GPC5: variants seen among roughly 807,000 people sequenced by gnomAD.
GPC5 encodes glypican 5.
A neutral mutation model predicts 53.9 loss-of-function variants in GPC5; 47 were observed. That is an observed-to-expected ratio of 0.87 (90% CI 0.69 to 1.11). GPC5 has a LOEUF of 1.11. Among genes scored for constraint, GPC5 ranks in the 50% most tolerant of loss-of-function variants. The pLI, the probability that GPC5 is intolerant of heterozygous loss-of-function variation, is 0.00. For missense variants in GPC5, 748 were observed against 713.1 expected, an observed-to-expected ratio of 1.05 and a Z score of -0.56; for synonymous variants, 286 against 263.3, an observed-to-expected ratio of 1.09 and a Z score of -0.84.
At chr13:91,936,078 A>G (rs1254473752) in intron 6 of GPC5, among the ~76,000 whole-genome samples, 1 of 152,044 alleles carries the variant, frequency 6.6e-6, no homozygotes, top group Non-Finnish European at 1.5e-5. Context: ...TTTAATTACC[A>G]AGGTATAGAT....
At chr13:92,259,542 AG>A (rs556136933) in intron 7 of GPC5, among the ~76,000 whole-genome samples, 156 of 152,276 alleles carry the variant, frequency 1.0e-3, no homozygotes, top group African/African-American at 3.5e-3. Context: ...TTCTTTGAAT[AG>A]TCTACCCTAT....
intron 7 of GPC5, among the ~76,000 whole-genome samples, chr13:92,329,448 T>C (rs568032574): frequency 6.6e-6 from 1 of 152,134 alleles, no homozygotes; most frequent in Non-Finnish European, 1.5e-5. Flanking sequence ...TAAGCCCTCA[T>C]AAGGGATTTA....
chr13:91,602,843 A>G (rs1361468711), intron 2 of GPC5, among the ~76,000 whole-genome samples: 5 of 152,192 alleles, frequency 3.3e-5, no homozygotes, highest in Non-Finnish European at 5.9e-5. Context: ...CTTCATTTGT[A>G]ATTTGAGTTA....
intron 7 of GPC5, among the ~76,000 whole-genome samples, chr13:92,667,452 GA>G (rs1217420152): frequency 4.6e-5 from 7 of 152,136 alleles, no homozygotes; most frequent in African/African-American, 1.7e-4. Context: ...GAGACAAGAA[GA>G]GAACAACCAA....
intron 7 of GPC5, among the ~76,000 whole-genome samples, chr13:92,153,067 T>C (rs1428219515): frequency 3.3e-5 from 5 of 152,246 alleles, no homozygotes; most frequent in African/African-American, 1.2e-4. Context: ...TTACTCCTTT[T>C]GTTAAACAGT....
At chr13:92,234,856 A>G (rs899688628) in intron 7 of GPC5, among the ~76,000 whole-genome samples, 8 of 152,160 alleles carry the variant, frequency 5.3e-5, no homozygotes, top group Admixed American at 5.2e-4. Context: ...AGCCTGAAGT[A>G]ATTGATATGC....
At chr13:92,349,996 G>C (rs1405658313) in intron 7 of GPC5, among the ~76,000 whole-genome samples, 1 of 152,072 alleles carries the variant, frequency 6.6e-6, no homozygotes, top group Non-Finnish European at 1.5e-5. Context: ...TTATATTCTA[G>C]CAAGCTGAAT....
intron 6 of GPC5, among the ~76,000 whole-genome samples, chr13:92,086,087 C>T (rs1454229814): frequency 6.6e-6 from 1 of 152,172 alleles, no homozygotes; most frequent in Non-Finnish European, 1.5e-5. Flanking sequence ...ACTGTGTGGC[C>T]TTCTGCATTA....
intron 7 of GPC5, among the ~76,000 whole-genome samples, chr13:92,747,036 G>A (rs1889257310): frequency 6.6e-6 from 1 of 152,066 alleles, no homozygotes; most frequent in Non-Finnish European, 1.5e-5. Context: ...TGGTATTTGT[G>A]TATCTAAACA....
intron 5 of GPC5, among the ~76,000 whole-genome samples, chr13:91,865,694 T>C (rs540551275): frequency 6.6e-6 from 1 of 152,204 alleles, no homozygotes; most frequent in Admixed American, 6.5e-5. Flanking sequence ...ACAATTTTGC[T>C]TTTCCTCTTC....
intron 2 of GPC5, among the ~76,000 whole-genome samples, chr13:91,582,274 A>G (rs1296623919): frequency 6.6e-6 from 1 of 152,238 alleles, no homozygotes; most frequent in East Asian, 1.9e-4. Context: ...TGATTATATC[A>G]AATGGATATG....
At chr13:92,277,876 G>A (rs1461409149) in intron 7 of GPC5, among the ~76,000 whole-genome samples, 1 of 151,744 alleles carries the variant, frequency 6.6e-6, no homozygotes, top group African/African-American at 2.4e-5. Context: ...CTAACTCCTG[G>A]CTTGATGGTA....
At chr13:92,023,589 T>C (rs2040776193) in intron 6 of GPC5, among the ~76,000 whole-genome samples, 1 of 151,644 alleles carries the variant, frequency 6.6e-6, no homozygotes, top group Non-Finnish European at 1.5e-5. Flanking sequence ...AAGATTGAGA[T>C]TCCATACTTG....
chr13:92,066,872 T>C (rs1210908344), intron 6 of GPC5, among the ~76,000 whole-genome samples: 1 of 152,028 alleles, frequency 6.6e-6, no homozygotes, highest in African/African-American at 2.4e-5. Context: ...GAGGAGAACA[T>C]TAATTCCAGA....
chr13:92,329,378 C>T (rs2043273434), intron 7 of GPC5, among the ~76,000 whole-genome samples: 1 of 152,104 alleles, frequency 6.6e-6, no homozygotes. Flanking sequence ...GACGTACAAA[C>T]AACCAGATCT....
At position 91,529,783 on chromosome 13, in the gene GPC5, C is replaced by T. The variant is rs547318190; in HGVS notation, c.325+80861C>T. ...CTCATAAGAGTCCTGGGGATTTTCC[C>T]CTGGGAGCATTAGGCTGTGGAACAA... On this transcript the variant is annotated intron_variant, in intron 2 of 7. Coordinates refer to ENST00000377067, the MANE Select transcript of GPC5 (RefSeq NM_004466.6). 2.0e-5 allele frequency among the ~76,000 whole-genome samples: 3 copies of T among 152,174 alleles called. No individual in the cohort carries two copies. The South Asian group carries it at 6.2e-4, about 32-fold the overall frequency.
intron 5 of GPC5, among the ~76,000 whole-genome samples, chr13:91,820,848 A>G (rs991421667): frequency 1.3e-5 from 2 of 152,154 alleles, no homozygotes; most frequent in African/African-American, 2.4e-5. Context: ...CTGTAGTCAC[A>G]GCTACTCGGG....
chr13:92,634,612 T>C (rs1450007951), intron 7 of GPC5, among the ~76,000 whole-genome samples: 2 of 152,130 alleles, frequency 1.3e-5, no homozygotes, highest in African/African-American at 2.4e-5. Flanking sequence ...CTTTGAAAAC[T>C]ATCTTTTCAT....
chr13:91,636,543 T>C lies in GPC5; in HGVS notation c.326-56644T>C, dbSNP rs80051789. Among the ~76,000 whole-genome samples, 847 of 152,276 alleles carry C rather than the reference T, an allele frequency of 5.6e-3. 4 individuals carry two copies. The highest frequency in any genetic ancestry group is 8.6e-3 in the Non-Finnish European group (582 of 68,026). ...ACAGTAGACTTATAGTGGCATTTTA[T>C]AGCCATGGATATACCATGGATAAAT... On this transcript the variant is annotated intron_variant, in intron 2 of 7. Coordinates refer to ENST00000377067, the MANE Select transcript of GPC5 (RefSeq NM_004466.6).
Sources: allele counts gnomAD v4.1 joint callset (sites outside exome capture counted in the v4.1 genomes callset), GRCh38; gene constraint gnomAD v4.1.1; transcripts MANE v1.5; gene names NCBI Gene and HGNC (gene_info 2026-07-23, HGNC 2026-07-21).